PPARGC1B: variants seen among roughly 807,000 people sequenced by gnomAD.
PPARGC1B encodes PPARG coactivator 1 beta.
A neutral mutation model predicts 101.6 loss-of-function variants in PPARGC1B; 34 were observed. The observed-to-expected ratio is 0.33, with a 90% CI of 0.25 to 0.45. The LOEUF is 0.45. PPARGC1B is among the 20% of genes least tolerant of loss of function. The pLI, the probability that PPARGC1B is intolerant of heterozygous loss-of-function variation, is 1.00. For synonymous variants in PPARGC1B, 548 were observed against 539.3 expected, an observed-to-expected ratio of 1.02 and a Z score of -0.22; for missense variants, 1,234 against 1,317.6, an observed-to-expected ratio of 0.94 and a Z score of 0.98.
At chr5:149,737,073 T>G (rs1754743153) in intron 1 of PPARGC1B, among the ~76,000 whole-genome samples, 1 of 152,242 alleles carries the variant, frequency 6.6e-6, no homozygotes, top group Non-Finnish European at 1.5e-5. Flanking sequence ...TCATTTCTTC[T>G]GTCCCCCAAC....
chr5:149,845,594 C>G (rs1759517107), intron 10 of PPARGC1B, 166 bp from the exon 11 acceptor site: 2 of 661,434 alleles, frequency 3.0e-6, no homozygotes, highest in Non-Finnish European at 2.6e-6. Flanking sequence ...TCATTATTAC[C>G]ACATTGCAGA....
intron 1 of PPARGC1B, among the ~76,000 whole-genome samples, chr5:149,795,814 T>TC (rs59332558): frequency 0.037 from 5,665 of 152,004 alleles, 329 homozygotes; most frequent in African/African-American, 0.13. Flanking sequence ...TCTTTTTTTT[T>TC]CACAGTATAA....
At chr5:149,824,412 G>A (rs1239856441) in intron 2 of PPARGC1B, among the ~76,000 whole-genome samples, 1 of 152,158 alleles carries the variant, frequency 6.6e-6, no homozygotes, top group Non-Finnish European at 1.5e-5. Context: ...TGCCTCCCAT[G>A]TCCCAGGCAT....
chr5:149,817,892 A>G (rs1758120294), intron 1 of PPARGC1B: 1 of 450,254 alleles, frequency 2.2e-6, no homozygotes. Flanking sequence ...AAGTAAAGAC[A>G]TATGTCCAAA....
intron 1 of PPARGC1B, among the ~76,000 whole-genome samples, chr5:149,801,598 CAGAA>C (rs1757432420): frequency 6.6e-6 from 1 of 152,144 alleles, no homozygotes; most frequent in Non-Finnish European, 1.5e-5. Context: ...TTACAGGCCA[CAGAA>C]AGAGTTTCAG....
chr5:149,837,196 A>G lies in PPARGC1B; in HGVS notation c.2618+123A>G. On this transcript the variant is annotated intron_variant, in intron 8 of 11. Coordinates refer to ENST00000309241, the MANE Select transcript of PPARGC1B (RefSeq NM_133263.4). The surrounding 1 kb of genome is among the most constrained non-coding windows in gnomAD (Gnocchi z 4.2). ...CTCTGAAACTGAGGCTGCATCTCCC[A>G]GTGTGGCCCATGTCTTGGTCAGGAG... is the stretch of plus-strand genomic sequence containing the variant. 7.0e-7 allele frequency: 1 copy of G among 1,423,608 alleles called. No individual in the cohort carries two copies. Among genetic ancestry groups the G allele is most frequent in the Admixed American group, 2.6e-5 (1 of 38,816 alleles). The allele number at this position is 1,423,608 out of a possible 1,614,324, so 88.2% of individuals were successfully genotyped here.
intron 3 of PPARGC1B, among the ~76,000 whole-genome samples, chr5:149,827,730 A>C (rs1301027279): frequency 1.3e-5 from 2 of 152,188 alleles, no homozygotes; most frequent in African/African-American, 4.8e-5. Context: ...CGTGTGCGGA[A>C]TGTGGAAATG....
chr5:149,812,997 G>T (rs1273697633), intron 1 of PPARGC1B, among the ~76,000 whole-genome samples: 4 of 152,220 alleles, frequency 2.6e-5, no homozygotes, highest in Non-Finnish European at 5.9e-5. Flanking sequence ...GACTTCATAG[G>T]TATTTCCCAC....
chr5:149,855,443 G>T (rs929460144), downstream of PPARGC1B, among the ~76,000 whole-genome samples: 2 of 152,064 alleles, frequency 1.3e-5, no homozygotes, highest in African/African-American at 4.8e-5. Context: ...CCTTGTTTTG[G>T]TATATCAACT....
downstream of PPARGC1B, among the ~76,000 whole-genome samples, chr5:149,855,892 G>A (rs1011304955): frequency 5.9e-5 from 9 of 152,114 alleles, no homozygotes; most frequent in African/African-American, 1.7e-4. Flanking sequence ...TGAGGCGGGC[G>A]GATCACCTGA....
rs1758538815 is a variant in PPARGC1B at position 149,826,746 on chromosome 5, G to T, written c.326G>T (p.Gly109Val). 6.2e-7 allele frequency: 1 copy of T among 1,614,066 alleles called. No individual in the cohort carries two copies. Among genetic ancestry groups the T allele is most frequent in the Non-Finnish European group, 8.5e-7 (1 of 1,179,988 alleles). Residue 109 changes from glycine to valine, a missense_variant, in exon 3 of 12, where the codon GGT becomes GTT. By Grantham distance (109) the Gly-to-Val change is moderately radical. Transcript: ENST00000309241. ...TLDDIPEDDVGLAAFPALDGG... is the reference protein window; with the variant it reads ...TLDDIPEDDVVLAAFPALDGG... ...GATGACATCCCTGAAGATGACGTGG[G>T]TCTGGCTGCCTTCCCAGCCCTGGAT...
intron 1 of PPARGC1B, among the ~76,000 whole-genome samples, chr5:149,768,914 C>T (rs1561514740): frequency 6.6e-6 from 1 of 152,166 alleles, no homozygotes; most frequent in Non-Finnish European, 1.5e-5. Context: ...TTCAGCCTCC[C>T]AAAGTGCTGG....
In PPARGC1B at chr5:149,776,364, G is replaced by GT. The variant is rs200437537; in HGVS notation, c.79-44061dup. The stretch of plus-strand genomic sequence containing the variant: ...GCGTTTCCCAAAAGAGGTTCCAAAG[G>GT]TTTTTTTTATTTATTTATTTTTATT... On this transcript the variant is annotated intron_variant, in intron 1 of 11. Transcript: ENST00000309241. Among the ~76,000 whole-genome samples the GT allele has an allele frequency of 3.8e-3, 578 of 152,054 alleles. 5 individuals carry two copies. The highest frequency in any genetic ancestry group is 0.014 in the Middle Eastern group (4 of 294).
intron 1 of PPARGC1B, among the ~76,000 whole-genome samples, chr5:149,796,160 A>G (rs1309760560): frequency 6.6e-6 from 1 of 152,284 alleles, no homozygotes; most frequent in East Asian, 1.9e-4. Flanking sequence ...CAGCCATGCG[A>G]TGGAGAGTGT....
intron 1 of PPARGC1B, among the ~76,000 whole-genome samples, chr5:149,769,663 G>A (rs895089323): frequency 9.2e-5 from 14 of 152,182 alleles, no homozygotes; most frequent in Admixed American, 8.5e-4. Flanking sequence ...AGATCTTGCC[G>A]TTTCAGAGGT....
At chr5:149,731,422 C>A (rs1754460845) in intron 1 of PPARGC1B, among the ~76,000 whole-genome samples, 2 of 152,198 alleles carry the variant, frequency 1.3e-5, no homozygotes, top group South Asian at 4.1e-4. Context: ...TCTCTGGGCG[C>A]CCGGCTGCGG....
rs993927514 is a variant in PPARGC1B at position 149,837,280 on chromosome 5, G to C, written c.2618+207G>C. ...GAGTTCTGGAGGCAGGCACAGCCTG[G>C]TCTGTGAAATCGAGAGTGTCCCAAA... On this transcript the variant is annotated intron_variant, in intron 8 of 11. Transcript: ENST00000309241. The surrounding 1 kb of genome is among the most constrained non-coding windows in gnomAD (Gnocchi z 4.2). Among the ~76,000 whole-genome samples the C allele has an allele frequency of 2.0e-5, 3 of 152,186 alleles. No individual in the cohort carries two copies. The highest frequency in any genetic ancestry group is 7.2e-5 in the African/African-American group (3 of 41,456).
chr5:149,732,231 G>A (rs1240436259), intron 1 of PPARGC1B, among the ~76,000 whole-genome samples: 8 of 152,194 alleles, frequency 5.3e-5, no homozygotes. Context: ...GACAGCTTGG[G>A]GCTAGCGGGC....
chr5:149,773,606 A>G (rs771898714), intron 1 of PPARGC1B, among the ~76,000 whole-genome samples: 1 of 152,234 alleles, frequency 6.6e-6, no homozygotes, highest in African/African-American at 2.4e-5. Flanking sequence ...AGGAGGACAG[A>G]CAGATGGAAA....
Sources: gnomAD v4.1 joint callset for allele counts (sites outside exome capture counted in the v4.1 genomes callset) on GRCh38, gnomAD v4.1.1 for gene constraint, Gnocchi (gnomAD v3.1) non-coding constraint, MANE v1.5 for transcripts, NCBI Gene and HGNC (gene_info 2026-07-23, HGNC 2026-07-21) for gene names.